Variants in TCP11L1 observed in about 807,000 individuals in gnomAD.
TCP11L1 encodes t-complex 11 like 1, also known as T-complex protein 11-like protein 1.
Under a neutral mutation model 48.9 loss-of-function variants are expected in TCP11L1, and 28 were observed. The observed-to-expected ratio is 0.57, with a 90% CI of 0.42 to 0.78. The LOEUF is 0.78. Among genes scored for constraint, TCP11L1 ranks in the 30% least tolerant of loss-of-function variants. The probability of loss-of-function intolerance (pLI) is 0.00; values close to 1 mark genes in which losing one functional copy is unlikely to be tolerated. For synonymous variants in TCP11L1, 204 were observed against 231.9 expected (o/e 0.88, Z 1.09); for missense variants, 505 against 613.4 (o/e 0.82, Z 1.87).
rs78690604 is a variant in TCP11L1, at chr11:33,054,663, A to G, written c.234A>G (p.Leu78=). 8,703 of 1,613,944 alleles carry G rather than the reference A, an allele frequency of 5.4e-3. 232 individuals carry two copies. The East Asian group carries it at 0.093, about 17-fold the overall frequency. ...ETARGVTNMA[L]AHEIVVNGDF... ...CGAGAGGTGTCACCAACATGGCTCT[A>G]GCCCATGAAATTGTAGTAAATGGAG... is the stretch of plus-strand genomic sequence containing the variant. The change falls in exon 3 of 10, where the codon CTA becomes CTG. Residue 78 remains leucine, a synonymous_variant. Coordinates refer to ENST00000334274, the MANE Select transcript of TCP11L1 (RefSeq NM_018393.4).
At chr11:33,063,061 C>T (rs190859055) in intron 7 of TCP11L1, among the ~76,000 whole-genome samples, 12 of 152,216 alleles carry the variant, frequency 7.9e-5, no homozygotes, top group Admixed American at 6.5e-4. Flanking sequence ...ACAGGGGTCT[C>T]GCTATGTTAC....
intron 3 of TCP11L1, among the ~76,000 whole-genome samples, chr11:33,056,196 A>G (rs1483397196): frequency 1.3e-5 from 2 of 151,588 alleles, no homozygotes; most frequent in Non-Finnish European, 2.9e-5. Context: ...TGCAGCCTCC[A>G]TCTCCTAGGT....
At chr11:33,044,287 G>A (rs1274036260) in intron 2 of TCP11L1, among the ~76,000 whole-genome samples, 1 of 151,730 alleles carries the variant, frequency 6.6e-6, no homozygotes, top group African/African-American at 2.4e-5. Context: ...AGCCAGGACT[G>A]TGCTTGTGCA....
chr11:33,040,546 T>G (rs1385079439), intron 1 of TCP11L1: 1 of 152,200 alleles, frequency 6.6e-6, no homozygotes, highest in Non-Finnish European at 1.5e-5. Context: ...CAGATACTTG[T>G]GGGTGTCTAT....
At chr11:33,057,033 A>G (rs1393638333) in intron 3 of TCP11L1, 82 bp from the exon 4 acceptor site, 7 of 1,588,098 alleles carry the variant, frequency 4.4e-6, no homozygotes, top group East Asian at 2.2e-5. Context: ...CCCTAAACCC[A>G]TAGTATTTGT....
chr11:33,073,421 C>A lies in TCP11L1; in HGVS notation c.*745C>A, dbSNP rs1854854916. The stretch of plus-strand genomic sequence containing the variant: ...TAGTGAAAGGAAAGTCTTTGACTTT[C>A]AAGCCTTGAAAGTCAAGGAGGAAAT... On this transcript the variant is annotated 3_prime_UTR_variant, in exon 10 of 10. Coordinates refer to ENST00000334274, the MANE Select transcript of TCP11L1 (RefSeq NM_018393.4). 6.6e-6 allele frequency: 1 copy of A among 152,038 alleles called. No individual in the cohort carries two copies. Among genetic ancestry groups the A allele is most frequent in the Admixed American group, 6.6e-5 (1 of 15,254 alleles). 9.4% of individuals were successfully genotyped at this position (152,038 alleles called of 1,614,324 possible). A position where few individuals can be genotyped will look rare whatever the true frequency, so the allele number is the denominator to read the frequency against.
At chr11:33,068,955 G>C in intron 9 of TCP11L1, 96 bp downstream of exon 9, 1 of 1,437,914 alleles carries the variant, frequency 7.0e-7, no homozygotes, top group Non-Finnish European at 9.4e-7. Flanking sequence ...TGGAGTTAAG[G>C]TGCTGATGGG....
chr11:33,068,804 C>T lies in TCP11L1; in HGVS notation c.1272C>T (p.Leu424=). ...TCACCACGGACAAGGAGACCGTGCT[C>T]AAGGGCCAGATCCAGGCCGTGGCCA... ...SPFTTDKETV[L]KGQIQAVASP... Residue 424 remains leucine, a synonymous_variant, in exon 9 of 10, where the codon CTC becomes CTT. Coordinates refer to ENST00000334274, the MANE Select transcript of TCP11L1 (RefSeq NM_018393.4). 1.2e-6 allele frequency: 2 copies of T among 1,614,122 alleles called. No homozygotes were observed. The highest frequency in any genetic ancestry group is 1.1e-5 in the South Asian group (1 of 91,076).
At chr11:33,049,948 A>G (rs370557023) in intron 2 of TCP11L1, among the ~76,000 whole-genome samples, 25 of 152,324 alleles carry the variant, frequency 1.6e-4, no homozygotes, top group African/African-American at 5.8e-4. Context: ...ACCTTGGACA[A>G]TACCTGGCTT....
Position 33,059,065 on chromosome 11 carries a change from A to G in TCP11L1, c.745A>G (p.Lys249Glu). Residue 249 changes from lysine to glutamate, a missense_variant, in exon 6 of 10, where the codon AAG (lysine) becomes GAG (glutamate). Transcript: ENST00000334274. ...GCAGTCAGTTGAATACGAAAGGAAGAAGTTTCAAGAGATTTTGGAGAGGCA... is the reference window on the plus strand; with the variant it reads ...GCAGTCAGTTGAATACGAAAGGAAGGAGTTTCAAGAGATTTTGGAGAGGCA... ...MQQSVEYERKKFQEILERQPN... is the reference protein window; with the variant it reads ...MQQSVEYERKEFQEILERQPN... 4 of 1,614,168 alleles carry G rather than the reference A, an allele frequency of 2.5e-6. No individual in the cohort carries two copies. The highest frequency in any genetic ancestry group is 3.4e-6 in the Non-Finnish European group (4 of 1,180,028).
chr11:33,061,416 A>G, intron 6 of TCP11L1, 114 bp from the exon 7 acceptor site: 7 of 1,064,738 alleles, frequency 6.6e-6, no homozygotes, highest in South Asian at 4.9e-5. Flanking sequence ...TTTGATTCCA[A>G]AGTTCATACT....
chr11:33,057,360 G>A, intron 4 of TCP11L1, 125 bp downstream of exon 4: 1 of 1,478,776 alleles, frequency 6.8e-7, no homozygotes, highest in Non-Finnish European at 9.1e-7. Flanking sequence ...CTTGCCAGAA[G>A]GTGGATCAAG....
chr11:33,051,773 T>C (rs7130318), intron 2 of TCP11L1, among the ~76,000 whole-genome samples: 107,317 of 152,080 alleles, frequency 0.71, 38,046 homozygotes, highest in East Asian at 0.87. Context: ...CACCTATATA[T>C]ATATGTGTGT....
At chr11:33,055,697 A>C (rs1050927929) in intron 3 of TCP11L1, among the ~76,000 whole-genome samples, 1 of 152,220 alleles carries the variant, frequency 6.6e-6, no homozygotes, top group Non-Finnish European at 1.5e-5. Context: ...AGTGTCTCCC[A>C]CAAGAAGCTT....
At chr11:33,047,906 C>G (rs770536951) in intron 2 of TCP11L1, among the ~76,000 whole-genome samples, 8 of 152,156 alleles carry the variant, frequency 5.3e-5, no homozygotes, top group Non-Finnish European at 1.2e-4. Flanking sequence ...CATAAATGTC[C>G]GTCCACTTAT....
At chr11:33,064,715 C>T (rs757710334) in intron 7 of TCP11L1, among the ~76,000 whole-genome samples, 4 of 152,168 alleles carry the variant, frequency 2.6e-5, no homozygotes, top group African/African-American at 9.7e-5. Flanking sequence ...GGGTGCTGAG[C>T]GGATACCAAG....
chr11:33,064,989 T>C (rs1854572190), intron 7 of TCP11L1, among the ~76,000 whole-genome samples: 2 of 152,234 alleles, frequency 1.3e-5, no homozygotes, highest in Admixed American at 1.3e-4. Flanking sequence ...CTGGCTGTCC[T>C]AGTTTGCTAG....
chr11:33,048,945 A>G (rs543924763), intron 2 of TCP11L1, among the ~76,000 whole-genome samples: 1 of 152,186 alleles, frequency 6.6e-6, no homozygotes, highest in Non-Finnish European at 1.5e-5. Flanking sequence ...CCAGATGACT[A>G]AAATTATTGG....
intron 7 of TCP11L1, among the ~76,000 whole-genome samples, chr11:33,062,360 TC>T (rs903444401): frequency 6.7e-6 from 1 of 150,182 alleles, no homozygotes; most frequent in Admixed American, 6.6e-5. Flanking sequence ...GATTTGCCTA[TC>T]CTGGACATTT....
Sources: allele counts gnomAD v4.1 joint callset (sites outside exome capture counted in the v4.1 genomes callset), GRCh38; gene constraint gnomAD v4.1.1; transcripts MANE v1.5; gene names NCBI Gene and HGNC (gene_info 2026-07-23, HGNC 2026-07-21).